Variants in AGTPBP1 observed in about 807,000 individuals in gnomAD.
AGTPBP1 encodes ATP/GTP binding carboxypeptidase 1, also known as cytosolic carboxypeptidase 1.
AGTPBP1 carries 70 observed loss-of-function variants against 143.9 expected under a neutral mutation model. The ratio of observed to expected loss-of-function variants is 0.49; its 90% CI spans 0.40 to 0.59. The LOEUF (loss-of-function observed/expected upper bound fraction) is 0.59, where lower values mean the gene tolerates loss of function less well. Ranked by LOEUF, AGTPBP1 falls within the 20% of genes least tolerant of loss-of-function variation. The pLI, the probability that AGTPBP1 is intolerant of heterozygous loss-of-function variation, is 0.00. For missense variants in AGTPBP1, 1,229 were observed against 1,464.5 expected (o/e 0.84, Z 2.62); for synonymous variants, 463 against 500.2 (o/e 0.93, Z 0.99).
At chr9:85,661,539 G>A (rs962188774) in intron 8 of AGTPBP1, among the ~76,000 whole-genome samples, 4 of 151,880 alleles carry the variant, frequency 2.6e-5, no homozygotes, top group Admixed American at 2.6e-4. Flanking sequence ...CAGCTATGAC[G>A]CACCAAGATG....
intron 17 of AGTPBP1, among the ~76,000 whole-genome samples, chr9:85,604,920 T>A (rs1829900425): frequency 6.6e-6 from 1 of 152,090 alleles, no homozygotes; most frequent in Admixed American, 6.5e-5. Flanking sequence ...GACAGGCTAT[T>A]TGAAAACACA....
chr9:85,785,060 C>T, the AGTPBP1 span, among the ~76,000 whole-genome samples: 2 of 152,092 alleles, frequency 1.3e-5, no homozygotes, highest in East Asian at 1.9e-4. Context: ...GGGCCAGGTG[C>T]GGTGGCTCAT....
intron 3 of AGTPBP1, among the ~76,000 whole-genome samples, chr9:85,683,979 T>C (rs996798551): frequency 7.1e-6 from 1 of 141,458 alleles, no homozygotes; most frequent in Admixed American, 7.4e-5. Flanking sequence ...CAGAAGTGAA[T>C]CCCAAAAAGC....
intron 12 of AGTPBP1, 118 bp downstream of exon 12, chr9:85,646,202 TA>T: frequency 1.5e-6 from 1 of 671,002 alleles, no homozygotes; most frequent in African/African-American, 1.8e-5. Flanking sequence ...TCATTCATGG[TA>T]AAAAGATGTG....
intron 23 of AGTPBP1, among the ~76,000 whole-genome samples, chr9:85,579,787 T>C (rs967751530): frequency 6.7e-6 from 1 of 150,106 alleles, no homozygotes; most frequent in Non-Finnish European, 1.5e-5. Flanking sequence ...GGAGAAAAGA[T>C]TGATCATTCA....
chr9:85,633,523 G>T (rs1831828563), intron 13 of AGTPBP1, 149 bp from the exon 14 acceptor site: 1 of 569,298 alleles, frequency 1.8e-6, no homozygotes, highest in African/African-American at 2.0e-5. Flanking sequence ...TCACTAAAAA[G>T]ACAAAATTTT....
At chr9:85,634,995 T>G (rs1348097444) in intron 13 of AGTPBP1, among the ~76,000 whole-genome samples, 1 of 152,218 alleles carries the variant, frequency 6.6e-6, no homozygotes, top group Admixed American at 6.5e-5. Flanking sequence ...AATATTATCT[T>G]ACTGCTATTT....
intron 14 of AGTPBP1, among the ~76,000 whole-genome samples, chr9:85,627,784 TTC>T (rs1481752551): frequency 6.6e-6 from 1 of 152,234 alleles, no homozygotes; most frequent in Non-Finnish European, 1.5e-5. Context: ...TAAACATATT[TTC>T]TGTTCCTTAT....
chr9:85,597,328 G>A (rs1345737795), intron 17 of AGTPBP1, among the ~76,000 whole-genome samples: 2 of 151,610 alleles, frequency 1.3e-5, no homozygotes, highest in East Asian at 3.8e-4. Flanking sequence ...GGATTTTTTA[G>A]TAATATAATT....
intron 23 of AGTPBP1, among the ~76,000 whole-genome samples, chr9:85,579,609 G>C (rs1828119357): frequency 6.7e-6 from 1 of 149,612 alleles, no homozygotes; most frequent in Admixed American, 6.7e-5. Flanking sequence ...GTGGGGCGAG[G>C]GGGGGGGTGT....
At chr9:85,766,118 T>C in the AGTPBP1 span, among the ~76,000 whole-genome samples, 7 of 133,384 alleles carry the variant, frequency 5.2e-5, no homozygotes, top group East Asian at 2.2e-4. Flanking sequence ...CTATAGAAGA[T>C]AGAAGAAGCC....
intron 17 of AGTPBP1, among the ~76,000 whole-genome samples, chr9:85,598,876 G>A (rs991177756): frequency 4.4e-4 from 67 of 151,892 alleles, no homozygotes; most frequent in East Asian, 1.7e-3. Flanking sequence ...GCATGCCACC[G>A]TGCCCAGCTA....
intron 1 of AGTPBP1, 87 bp downstream of exon 1, chr9:85,741,688 C>A (rs1042306066): frequency 7.1e-6 from 9 of 1,260,788 alleles, no homozygotes; most frequent in African/African-American, 6.2e-5. Context: ...CCTCCTACCC[C>A]CGGGCGCCGT....
At chr9:85,709,847 CT>C (rs552345063) in intron 2 of AGTPBP1, among the ~76,000 whole-genome samples, 175 of 152,200 alleles carry the variant, frequency 1.1e-3, no homozygotes, top group Non-Finnish European at 2.0e-3. Flanking sequence ...AAAATTTCTA[CT>C]TCTTAATATT....
chr9:85,591,095 G>C (rs950567118), intron 19 of AGTPBP1, among the ~76,000 whole-genome samples: 2 of 151,654 alleles, frequency 1.3e-5, no homozygotes, highest in Non-Finnish European at 2.9e-5. Flanking sequence ...TATTAATTGA[G>C]GATGAGGATA....
intron 1 of AGTPBP1, among the ~76,000 whole-genome samples, chr9:85,725,431 T>C (rs1587984359): frequency 6.6e-6 from 1 of 152,146 alleles, no homozygotes; most frequent in East Asian, 1.9e-4. Context: ...ACCATGTTTA[T>C]TGAGATACAG....
chr9:85,791,518 A>G, the AGTPBP1 span: 1 of 152,198 alleles, frequency 6.6e-6, no homozygotes, highest in Non-Finnish European at 1.5e-5. Context: ...CAGGATTCCA[A>G]TAGCTCTAAG....
Position 85,546,946 on chromosome 9 carries a change from A to G in AGTPBP1, c.*163T>C. 2 of 565,170 alleles carry G rather than the reference A, an allele frequency of 3.5e-6. No homozygotes were observed. Among genetic ancestry groups the G allele is most frequent in the South Asian group, 4.4e-5 (1 of 22,644 alleles). The allele number at this position is 565,170 out of a possible 1,614,324, so 35.0% of individuals were successfully genotyped here. On this transcript the variant is annotated 3_prime_UTR_variant, in exon 26 of 26. Transcript: ENST00000357081. ...AAATAAAACAAGCGCCAATTTTATC[A>G]TTAATTAATAACACATTTATTATCT...
At chr9:85,593,867 A>C (rs1483237781) in intron 18 of AGTPBP1, among the ~76,000 whole-genome samples, 2 of 152,214 alleles carry the variant, frequency 1.3e-5, no homozygotes, top group Non-Finnish European at 2.9e-5. Context: ...TGACTTAAAG[A>C]TGCTCTAACA....
Sources: allele counts gnomAD v4.1 joint callset (sites outside exome capture counted in the v4.1 genomes callset), GRCh38; gene constraint gnomAD v4.1.1; transcripts MANE v1.5; gene names NCBI Gene and HGNC (gene_info 2026-07-23, HGNC 2026-07-21).